Variants in FMN1 observed in about 807,000 individuals in gnomAD.
FMN1 encodes formin 1.
FMN1 carries 110 observed loss-of-function variants against 132.4 expected under a neutral mutation model. That is an observed-to-expected ratio of 0.83 (90% CI 0.71 to 0.97). The LOEUF is 0.97. FMN1 is among the 50% of genes least tolerant of loss of function. The pLI is 0.00. For missense variants in FMN1, 1,792 were observed against 1,705.3 expected, an observed-to-expected ratio of 1.05 and a Z score of -0.90; for synonymous variants, 722 against 651.7, an observed-to-expected ratio of 1.11 and a Z score of -1.64.
chr15:32,785,161 CGTGTGTGTGTGTGTGT>C lies in FMN1; in HGVS notation c.4131-8258_4131-8243del, dbSNP rs1178285469. Among the ~76,000 whole-genome samples the C allele has an allele frequency of 7.7e-3, 398 of 51,534 alleles. 8 individuals carry two copies. Among genetic ancestry groups the C allele is most frequent in the Middle Eastern group, 0.013 (1 of 80 alleles). 33.8% of individuals were successfully genotyped at this position (51,534 alleles called of 152,430 possible). A position where few individuals can be genotyped will look rare whatever the true frequency, so the allele number is the denominator to read the frequency against. ...GTGTGTGTGTGTGTGTGTATACGTA[CGTGTGTGTGTGTGTGT>C]GTGTGTGTGTGTGTGTGTGTGTGTA... On this transcript the variant is annotated intron_variant, in intron 19 of 20. Coordinates refer to ENST00000616417, the MANE Select transcript of FMN1 (RefSeq NM_001277313.2).
At chr15:32,921,878 G>A (rs1487818181) in intron 10 of FMN1, among the ~76,000 whole-genome samples, 1 of 151,868 alleles carries the variant, frequency 6.6e-6, no homozygotes, top group Non-Finnish European at 1.5e-5. Context: ...TCGCCATGTT[G>A]GCCAGGTTGG....
chr15:33,002,776 A>G (rs1447812061), intron 7 of FMN1, among the ~76,000 whole-genome samples: 1 of 152,188 alleles, frequency 6.6e-6, no homozygotes, highest in African/African-American at 2.4e-5. Flanking sequence ...TCCTAGTTCA[A>G]TCTTTAAAAC....
chr15:33,113,363 T>C (rs544072686), intron 4 of FMN1, among the ~76,000 whole-genome samples: 1 of 152,272 alleles, frequency 6.6e-6, no homozygotes, highest in East Asian at 1.9e-4. Context: ...TTAAACTATA[T>C]AAGCTTATTT....
At chr15:33,112,706 A>G (rs778954449) in intron 4 of FMN1, among the ~76,000 whole-genome samples, 24 of 152,292 alleles carry the variant, frequency 1.6e-4, no homozygotes, top group East Asian at 3.9e-4. Context: ...TGAGTACGTG[A>G]TAACAGTCAC....
chr15:33,179,424 A>G (rs1001928566), intron 3 of FMN1, among the ~76,000 whole-genome samples: 2 of 152,224 alleles, frequency 1.3e-5, no homozygotes, highest in Non-Finnish European at 2.9e-5. Flanking sequence ...TTTTGCCTGA[A>G]CTGCCCCAGA....
At chr15:32,916,767 A>G (rs1204608096) in intron 10 of FMN1, among the ~76,000 whole-genome samples, 1 of 152,228 alleles carries the variant, frequency 6.6e-6, no homozygotes, top group East Asian at 1.9e-4. Flanking sequence ...CTCTATTAGC[A>G]GAAATTATTT....
rs192825643 is a variant in FMN1, at chr15:32,770,629, T to C, written c.*3681A>G. ...TTCATTTAGGAAACACCATTCTTCATGGTGCTTATGAAAACAGGAGGTGCC... is the reference window on the plus strand; with the variant it reads ...TTCATTTAGGAAACACCATTCTTCACGGTGCTTATGAAAACAGGAGGTGCC... On this transcript the variant is annotated 3_prime_UTR_variant, in exon 21 of 21. Coordinates refer to ENST00000616417, the MANE Select transcript of FMN1 (RefSeq NM_001277313.2). 1 of 152,296 alleles carries C rather than the reference T, an allele frequency of 6.6e-6. No homozygotes were observed. The highest frequency in any genetic ancestry group is 1.5e-5 in the Non-Finnish European group (1 of 68,032). 9.4% of individuals were successfully genotyped at this position (152,296 alleles called of 1,614,324 possible).
intron 19 of FMN1, among the ~76,000 whole-genome samples, chr15:32,793,125 G>A (rs768421332): frequency 4.6e-5 from 7 of 152,020 alleles, no homozygotes; most frequent in Non-Finnish European, 8.8e-5. Flanking sequence ...AGGGCCAAGA[G>A]GTGTGTATAG....
intron 6 of FMN1, among the ~76,000 whole-genome samples, chr15:33,016,398 C>T (rs1373346680): frequency 6.6e-6 from 1 of 152,128 alleles, no homozygotes; most frequent in East Asian, 1.9e-4. Context: ...GCTTATGAAA[C>T]CAAAGTGTGC....
intron 6 of FMN1, among the ~76,000 whole-genome samples, chr15:33,046,767 C>G (rs2036705026): frequency 6.6e-6 from 1 of 152,106 alleles, no homozygotes; most frequent in Non-Finnish European, 1.5e-5. Context: ...TCTGTGCAAA[C>G]TGGTTGAATG....
chr15:32,829,593 A>G (rs1345536052), intron 17 of FMN1, among the ~76,000 whole-genome samples: 1 of 152,196 alleles, frequency 6.6e-6, no homozygotes, highest in Non-Finnish European at 1.5e-5. Context: ...CTCTGTGCCT[A>G]TATTGCATGA....
chr15:32,899,794 AAACC>A lies in FMN1; in HGVS notation c.3654+181_3654+184del, dbSNP rs1555489774. On this transcript the variant is annotated intron_variant, in intron 14 of 20. Transcript: ENST00000616417. ...AAATAAAGTCTAACGTGAAAAAAAAAAACCAAACAAAACTCTTTATTCGAAAGTG... is the reference window on the plus strand; with the variant it reads ...AAATAAAGTCTAACGTGAAAAAAAAAAAACAAAACTCTTTATTCGAAAGTG... 3,528 of 669,126 alleles carry A rather than the reference AAACC, an allele frequency of 5.3e-3. 76 individuals are homozygous for A. The African/African-American group carries it at 0.058, about 11-fold the overall frequency. The allele number at this position is 669,126 out of a possible 1,614,324, so 41.4% of individuals were successfully genotyped here. A position where few individuals can be genotyped will look rare whatever the true frequency, so the allele number is the denominator to read the frequency against.
At chr15:32,841,763 A>G (rs1345875712) in intron 17 of FMN1, among the ~76,000 whole-genome samples, 2 of 152,212 alleles carry the variant, frequency 1.3e-5, no homozygotes, top group Non-Finnish European at 2.9e-5. Context: ...TGTTTCCTGG[A>G]AATACCATCC....
rs531990059 is a variant in FMN1, at chr15:33,012,959, G to C, written c.2162-4884C>G. On this transcript the variant is annotated intron_variant, in intron 6 of 20. Transcript: ENST00000616417. ...TGATCCATGAAGGGAAAAAACTTTG[G>C]AGGCAAAAGCTCTGGTTCCTATGAT... is the stretch of plus-strand genomic sequence containing the variant. The C allele has an allele frequency of 2.7e-3, 1,271 of 471,526 alleles. 1 individual carries two copies. Among genetic ancestry groups the C allele is most frequent in the Non-Finnish European group, 4.5e-3 (1,093 of 240,646 alleles). 29.2% of individuals were successfully genotyped at this position (471,526 alleles called of 1,614,324 possible). A position where few individuals can be genotyped will look rare whatever the true frequency, so the allele number is the denominator to read the frequency against.
chr15:32,862,931 C>T (rs1031288334), intron 16 of FMN1, among the ~76,000 whole-genome samples: 5 of 152,188 alleles, frequency 3.3e-5, no homozygotes, highest in Non-Finnish European at 7.3e-5. Flanking sequence ...GCCAGTTCTG[C>T]CTCTTCCTCA....
At chr15:32,886,923 C>T (rs979262314) in intron 16 of FMN1, among the ~76,000 whole-genome samples, 10 of 152,208 alleles carry the variant, frequency 6.6e-5, no homozygotes, top group East Asian at 1.9e-4. Context: ...CAGAAAATAA[C>T]GACCGCAAGT....
intron 7 of FMN1, among the ~76,000 whole-genome samples, chr15:33,004,574 T>G (rs2034306284): frequency 6.6e-6 from 1 of 152,162 alleles, no homozygotes. Context: ...ATAGGAACAC[T>G]TTTACACTGT....
chr15:33,188,131 G>A (rs1026278256), intron 2 of FMN1, among the ~76,000 whole-genome samples: 2 of 151,808 alleles, frequency 1.3e-5, no homozygotes, highest in South Asian at 2.1e-4. Flanking sequence ...TCAGGAGTTC[G>A]AGACCAGCCT....
chr15:33,136,944 C>T (rs956344695), intron 4 of FMN1, among the ~76,000 whole-genome samples: 1 of 151,858 alleles, frequency 6.6e-6, no homozygotes, highest in South Asian at 2.1e-4. Context: ...AAAAGTTAGC[C>T]AGGCGTGGTG....
Sources: gnomAD v4.1 joint callset for allele counts (sites outside exome capture counted in the v4.1 genomes callset) on GRCh38, gnomAD v4.1.1 for gene constraint, MANE v1.5 for transcripts, NCBI Gene and HGNC (gene_info 2026-07-23, HGNC 2026-07-21) for gene names.